GRIN2B: variants seen among roughly 807,000 people sequenced by gnomAD.
GRIN2B encodes glutamate ionotropic receptor NMDA type subunit 2B.
GRIN2B carries 5 observed loss-of-function variants against 114.5 expected under a neutral mutation model. That is an observed-to-expected ratio of 0.04 (90% CI 0.02 to 0.09). The LOEUF (loss-of-function observed/expected upper bound fraction) is 0.09. Among genes scored for constraint, GRIN2B ranks in the 10% least tolerant of loss-of-function variants. GRIN2B has a pLI of 1.00. For missense variants in GRIN2B, 1,108 were observed against 1,943.5 expected, an observed-to-expected ratio of 0.57 and a Z score of 8.08; for synonymous variants, 787 against 745.1, an observed-to-expected ratio of 1.06 and a Z score of -0.92.
At chr12:13,867,341 T>C (rs1006876505) in intron 2 of GRIN2B, among the ~76,000 whole-genome samples, 2 of 152,218 alleles carry the variant, frequency 1.3e-5, no homozygotes, top group African/African-American at 2.4e-5. Context: ...TAATGCTCTA[T>C]AGAATATAAG....
intron 4 of GRIN2B, among the ~76,000 whole-genome samples, chr12:13,739,361 T>G (rs1863238307): frequency 1.3e-5 from 1 of 79,502 alleles, no homozygotes; most frequent in Non-Finnish European, 2.3e-5. Context: ...GCAACAAGAG[T>G]GAAACTCCGT....
At chr12:13,756,391 C>T (rs901728346) in intron 3 of GRIN2B, among the ~76,000 whole-genome samples, 1 of 152,138 alleles carries the variant, frequency 6.6e-6, no homozygotes, top group Non-Finnish European at 1.5e-5. Context: ...TGGGGCAATA[C>T]AATTTTATTC....
At chr12:13,612,618 G>A (rs1335371833) in intron 8 of GRIN2B, among the ~76,000 whole-genome samples, 1 of 152,178 alleles carries the variant, frequency 6.6e-6, no homozygotes, top group Non-Finnish European at 1.5e-5. Flanking sequence ...GACAAGACTG[G>A]GCAAGGTAGC....
At chr12:13,702,799 C>T (rs1330212737) in intron 4 of GRIN2B, among the ~76,000 whole-genome samples, 3 of 152,194 alleles carry the variant, frequency 2.0e-5, no homozygotes. Flanking sequence ...CTCTCCCTTC[C>T]TGTCATACCA....
chr12:13,751,537 A>G (rs879313283), intron 4 of GRIN2B, among the ~76,000 whole-genome samples: 5 of 152,202 alleles, frequency 3.3e-5, no homozygotes, highest in Non-Finnish European at 5.9e-5. Flanking sequence ...ATGAGGTGTC[A>G]GGGATGTGGA....
intron 2 of GRIN2B, among the ~76,000 whole-genome samples, chr12:13,952,811 C>A (rs1225062787): frequency 6.6e-6 from 1 of 151,790 alleles, no homozygotes; most frequent in Non-Finnish European, 1.5e-5. Context: ...ATAATGAACA[C>A]AACATATTAG....
intron 4 of GRIN2B, among the ~76,000 whole-genome samples, chr12:13,719,108 A>G (rs1055329696): frequency 2.6e-5 from 4 of 151,760 alleles, no homozygotes; most frequent in African/African-American, 9.7e-5. Flanking sequence ...ACTCATCACC[A>G]CGCACTCTCT....
chr12:13,608,502 C>G, intron 10 of GRIN2B, 101 bp downstream of exon 10: 1 of 838,404 alleles, frequency 1.2e-6, no homozygotes, highest in Non-Finnish European at 2.0e-6. Flanking sequence ...AAAGAACGGT[C>G]AATTCCAAAA....
At chr12:13,921,244 A>G (rs964639606) in intron 2 of GRIN2B, among the ~76,000 whole-genome samples, 1 of 152,044 alleles carries the variant, frequency 6.6e-6, no homozygotes, top group Non-Finnish European at 1.5e-5. Context: ...TAAAAATACA[A>G]CACATTAGCC....
At chr12:13,871,233 T>G (rs796146972) in intron 2 of GRIN2B, among the ~76,000 whole-genome samples, 68 of 152,172 alleles carry the variant, frequency 4.5e-4, no homozygotes, top group African/African-American at 1.6e-3. Context: ...ATGTTCTTTT[T>G]AAGTACATAC....
chr12:13,668,520 T>C (rs1949997097), intron 5 of GRIN2B, among the ~76,000 whole-genome samples: 1 of 152,088 alleles, frequency 6.6e-6, no homozygotes. Context: ...CCCTGGAGAA[T>C]GGTGTAGTCA....
chr12:13,880,994 T>TTGTGTGTG (rs144197797), intron 2 of GRIN2B, among the ~76,000 whole-genome samples: 11 of 148,904 alleles, frequency 7.4e-5, no homozygotes, highest in East Asian at 1.9e-4. Flanking sequence ...GGGTATAAGG[T>TTGTGTGTG]TGTGTGTGTG....
At chr12:13,819,985 T>C (rs1310458036) in intron 3 of GRIN2B, among the ~76,000 whole-genome samples, 1 of 152,178 alleles carries the variant, frequency 6.6e-6, no homozygotes, top group African/African-American at 2.4e-5. Context: ...ACTTGGTTCC[T>C]GACCCGAGGT....
intron 5 of GRIN2B, among the ~76,000 whole-genome samples, chr12:13,665,167 T>TTG (rs3081936): frequency 0.02 from 3,011 of 149,766 alleles, 103 homozygotes; most frequent in African/African-American, 0.071. Flanking sequence ...GTGTGTGTGT[T>TTG]TGTGTGTGTG....
chr12:13,728,787 C>T (rs947650954), intron 4 of GRIN2B, among the ~76,000 whole-genome samples: 1 of 152,124 alleles, frequency 6.6e-6, no homozygotes, highest in Non-Finnish European at 1.5e-5. Flanking sequence ...TTGCTATTGC[C>T]AGCATTACCA....
intron 4 of GRIN2B, among the ~76,000 whole-genome samples, chr12:13,748,774 T>G (rs1466047216): frequency 1.3e-5 from 2 of 152,192 alleles, no homozygotes; most frequent in East Asian, 3.9e-4. Context: ...GAAAATTAAT[T>G]TTTATATGTA....
At chr12:13,715,063 G>A (rs1176223602) in intron 4 of GRIN2B, among the ~76,000 whole-genome samples, 1 of 151,772 alleles carries the variant, frequency 6.6e-6, no homozygotes, top group Non-Finnish European at 1.5e-5. Context: ...GGGTCTTAAC[G>A]GTGCTAAACG....
In GRIN2B at chr12:13,866,059, G is replaced by T. The variant is rs773043790; in HGVS notation, c.150C>A (p.Ile50=). ...ILVGTSDEVA[I]KDAHEKDDFH... is the part of the protein sequence containing the mutation. ...AATCATCTTTCTCGTGGGCATCCTT[G>T]ATGGCCACCTCGTCGGAAGTGCCCA... is the stretch of plus-strand genomic sequence containing the variant. The change falls in exon 3 of 14, where the codon ATC becomes ATA. Residue 50 remains isoleucine (I), a synonymous_variant. Coordinates refer to ENST00000609686, the MANE Select transcript of GRIN2B (RefSeq NM_000834.5). The T allele has an allele frequency of 1.2e-6, 2 of 1,614,082 alleles. No homozygotes were observed. Among genetic ancestry groups the T allele is most frequent in the Non-Finnish European group, 1.7e-6 (2 of 1,179,984 alleles).
At chr12:13,734,850 G>A (rs1047778968) in intron 4 of GRIN2B, among the ~76,000 whole-genome samples, 3 of 152,154 alleles carry the variant, frequency 2.0e-5, no homozygotes, top group African/African-American at 4.8e-5. Context: ...TGTCCTTCCA[G>A]GGAAATTGAA....
Sources: allele counts gnomAD v4.1 joint callset (sites outside exome capture counted in the v4.1 genomes callset), GRCh38; gene constraint gnomAD v4.1.1; transcripts MANE v1.5; gene names NCBI Gene and HGNC (gene_info 2026-07-23, HGNC 2026-07-21).